The following DIAPH3 variants were observed in gnomAD, a reference collection of about 807,000 sequenced individuals.
DIAPH3 encodes diaphanous related formin 3.
DIAPH3 carries 117 observed loss-of-function variants against 144.3 expected under a neutral mutation model. The observed-to-expected ratio is 0.81, with a 90% CI of 0.70 to 0.95. The LOEUF (loss-of-function observed/expected upper bound fraction) is 0.95, where lower values mean the gene tolerates loss of function less well. Among genes scored for constraint, DIAPH3 ranks in the 40% least tolerant of loss-of-function variants. DIAPH3 has a pLI of 0.00. For synonymous variants in DIAPH3, 519 were observed against 488.9 expected (o/e 1.06, Z -0.81); for missense variants, 1,421 against 1,412.7 (o/e 1.01, Z -0.09).
chr13:60,101,590 C>G (rs2058270317), intron 3 of DIAPH3, among the ~76,000 whole-genome samples: 1 of 151,552 alleles, frequency 6.6e-6, no homozygotes, highest in South Asian at 2.1e-4. Context: ...CAAGACAAGT[C>G]TTCTTCCAAT....
intron 22 of DIAPH3, among the ~76,000 whole-genome samples, chr13:59,848,659 TGGCTGCATAG>T (rs1325293380): frequency 8.4e-6 from 1 of 119,032 alleles, no homozygotes. Context: ...TCATTTTTTA[TGGCTGCATAG>T]TATTCCATGG....
intron 25 of DIAPH3, among the ~76,000 whole-genome samples, chr13:59,808,105 A>G (rs2040287457): frequency 6.6e-6 from 1 of 151,754 alleles, no homozygotes; most frequent in South Asian, 2.1e-4. Flanking sequence ...AAATCAGTGA[A>G]AGGATGATTT....
rs1399887420 is a variant in DIAPH3, at chr13:59,827,418, T to A, written c.3027+5689A>T. 3.9e-5 allele frequency among the ~76,000 whole-genome samples: 6 copies of A among 151,970 alleles called. No homozygotes were observed. In the East Asian group the frequency reaches 1.2e-3, roughly 29 times the overall value. On this transcript the variant is annotated intron_variant, in intron 24 of 27. Transcript: ENST00000400324. ...AATAAGTATAATTTGGTAGAAAAAT[T>A]ATTTTGAAATAGATTACCCGTAAGG...
At chr13:60,086,683 C>A (rs543508968) in intron 4 of DIAPH3, among the ~76,000 whole-genome samples, 1 of 151,872 alleles carries the variant, frequency 6.6e-6, no homozygotes, top group South Asian at 2.1e-4. Flanking sequence ...AAAATATAAG[C>A]CTCCTTTAAG....
intron 4 of DIAPH3, among the ~76,000 whole-genome samples, chr13:60,084,365 G>A (rs1354976926): frequency 6.6e-6 from 1 of 151,550 alleles, no homozygotes; most frequent in Admixed American, 6.6e-5. Flanking sequence ...TAAAACCCTA[G>A]TTTCTAGTCC....
rs746001601 is a variant in DIAPH3, at chr13:59,916,189, A to G, written c.2231T>C (p.Val744Ala). 4 of 1,613,288 alleles carry G rather than the reference A, an allele frequency of 2.5e-6. No individual in the cohort carries two copies. The highest frequency in any genetic ancestry group is 2.5e-6 in the Non-Finnish European group (3 of 1,179,476). Reference sequence around the variant, plus strand: ...AGACTCTGCCAACCGTGTTTCATCTACTTCCAATATCATCATTCTGATTTC... The same window carrying G: ...AGACTCTGCCAACCGTGTTTCATCTGCTTCCAATATCATCATTCTGATTTC... ...YEEIRMMILE[V>A]DETRLAESMI... The change falls in exon 19 of 28, where the codon GTA becomes GCA. Residue 744 changes from valine to alanine, a missense_variant. Coordinates refer to ENST00000400324, the MANE Select transcript of DIAPH3 (RefSeq NM_001042517.2).
intron 3 of DIAPH3, among the ~76,000 whole-genome samples, chr13:60,102,211 G>A (rs984588417): frequency 6.6e-6 from 1 of 151,978 alleles, no homozygotes; most frequent in African/African-American, 2.4e-5. Flanking sequence ...ATTACACATC[G>A]ATTATCCTCT....
chr13:59,946,976 T>G (rs538019724), intron 17 of DIAPH3, among the ~76,000 whole-genome samples: 1 of 152,310 alleles, frequency 6.6e-6, no homozygotes, highest in African/African-American at 2.4e-5. Flanking sequence ...ATTTTAATGT[T>G]AAATCAAGAA....
intron 1 of DIAPH3, chr13:60,147,337 A>C (rs891508028): frequency 6.6e-6 from 1 of 152,014 alleles, no homozygotes; most frequent in African/African-American, 2.4e-5. Context: ...GGGACAAAAC[A>C]AAAAAAAGGT....
chr13:60,157,800 AT>A (rs1444869254), intron 1 of DIAPH3, among the ~76,000 whole-genome samples: 2 of 152,164 alleles, frequency 1.3e-5, no homozygotes, highest in Non-Finnish European at 2.9e-5. Flanking sequence ...ATACTGTCCC[AT>A]CCGCTGGATG....
intron 27 of DIAPH3, among the ~76,000 whole-genome samples, chr13:59,670,732 G>T (rs564766713): frequency 6.6e-6 from 1 of 151,920 alleles, no homozygotes; most frequent in Non-Finnish European, 1.5e-5. Context: ...ACAGGCGCCC[G>T]CCACCACGCC....
chr13:59,876,878 T>C (rs191768881), intron 21 of DIAPH3, among the ~76,000 whole-genome samples: 1 of 152,278 alleles, frequency 6.6e-6, no homozygotes, highest in East Asian at 1.9e-4. Context: ...TTTCTTACTT[T>C]GCCTTCCTTC....
At chr13:60,043,563 T>C (rs895808693) in intron 4 of DIAPH3, among the ~76,000 whole-genome samples, 1 of 152,220 alleles carries the variant, frequency 6.6e-6, no homozygotes, top group Non-Finnish European at 1.5e-5. Flanking sequence ...GGCCAGATCA[T>C]GGAGTGATAG....
At chr13:60,096,788 T>C (rs1481177740) in intron 3 of DIAPH3, among the ~76,000 whole-genome samples, 1 of 152,168 alleles carries the variant, frequency 6.6e-6, no homozygotes, top group Non-Finnish European at 1.5e-5. Flanking sequence ...CCAGTGACAC[T>C]CTCCCTGGAG....
chr13:59,778,150 A>T (rs1324055431), intron 25 of DIAPH3, among the ~76,000 whole-genome samples: 1 of 152,230 alleles, frequency 6.6e-6, no homozygotes, highest in African/African-American at 2.4e-5. Context: ...TACACAGAAC[A>T]TCTGTCTCAC....
intron 5 of DIAPH3, among the ~76,000 whole-genome samples, chr13:60,016,745 AAAACAAAC>A (rs901444337): frequency 9.8e-5 from 15 of 152,306 alleles, no homozygotes; most frequent in Middle Eastern, 3.4e-3. Flanking sequence ...AGTTGCTTTA[AAAACAAAC>A]AAACAAACAA....
intron 25 of DIAPH3, among the ~76,000 whole-genome samples, chr13:59,789,435 T>C (rs1382950801): frequency 2.0e-5 from 3 of 152,206 alleles, no homozygotes; most frequent in East Asian, 1.9e-4. Flanking sequence ...ATTTTATTAG[T>C]GAAGAATTGA....
chr13:59,975,819 G>A (rs974961945), intron 14 of DIAPH3, among the ~76,000 whole-genome samples: 1 of 151,888 alleles, frequency 6.6e-6, no homozygotes, highest in Non-Finnish European at 1.5e-5. Context: ...CTGTCCAAAT[G>A]TCCTTCAGTT....
At chr13:60,016,912 T>C (rs1006017530) in intron 5 of DIAPH3, among the ~76,000 whole-genome samples, 1 of 152,144 alleles carries the variant, frequency 6.6e-6, no homozygotes, top group African/African-American at 2.4e-5. Flanking sequence ...ACATGAAAAC[T>C]ACCTCGCTAG....
Sources: gnomAD v4.1 joint callset for allele counts (sites outside exome capture counted in the v4.1 genomes callset) on GRCh38, gnomAD v4.1.1 for gene constraint, MANE v1.5 for transcripts, NCBI Gene and HGNC (gene_info 2026-07-23, HGNC 2026-07-21) for gene names.